The following GRM8 variants were observed in gnomAD, a reference collection of about 807,000 sequenced individuals.
GRM8 encodes the protein metabotropic glutamate receptor 8.
In GRM8, 47 loss-of-function variants were observed where a neutral mutation model predicts 87.2. The observed-to-expected ratio is 0.54, with a 90% CI of 0.43 to 0.69. The LOEUF is 0.69. Among genes scored for constraint, GRM8 ranks in the 30% least tolerant of loss-of-function variants. GRM8 has a pLI of 0.00. For missense variants in GRM8, 1,019 were observed against 1,139.2 expected (o/e 0.89, Z 1.52); for synonymous variants, 396 against 404.5 (o/e 0.98, Z 0.25).
intron 9 of GRM8, among the ~76,000 whole-genome samples, chr7:126,489,354 T>C (rs151041541): frequency 6.6e-5 from 10 of 152,134 alleles, no homozygotes; most frequent in Non-Finnish European, 1.3e-4. Flanking sequence ...AGCATGACAA[T>C]TAAAAGAACT....
At chr7:126,596,164 A>G (rs533499493) in intron 8 of GRM8, among the ~76,000 whole-genome samples, 1 of 152,300 alleles carries the variant, frequency 6.6e-6, no homozygotes, top group Non-Finnish European at 1.5e-5. Flanking sequence ...TCCTTTGGGT[A>G]TATACGCCAG....
chr7:126,832,225 T>C (rs1301063420), intron 6 of GRM8, among the ~76,000 whole-genome samples: 1 of 147,934 alleles, frequency 6.8e-6, no homozygotes, highest in African/African-American at 2.5e-5. Context: ...AGAAGTGCCA[T>C]AGTGGACTAG....
chr7:126,545,404 T>A (rs1170602514), intron 8 of GRM8, among the ~76,000 whole-genome samples: 2 of 152,228 alleles, frequency 1.3e-5, no homozygotes, highest in Non-Finnish European at 2.9e-5. Context: ...GAGTGACCAT[T>A]TTTAATTGAA....
At chr7:126,530,188 G>A (rs1226202609) in intron 9 of GRM8, among the ~76,000 whole-genome samples, 1 of 152,170 alleles carries the variant, frequency 6.6e-6, no homozygotes, top group Non-Finnish European at 1.5e-5. Context: ...ACTAAGTTTA[G>A]TTGTTATTCT....
At chr7:126,721,317 C>G (rs1386154425) in intron 7 of GRM8, among the ~76,000 whole-genome samples, 1 of 152,098 alleles carries the variant, frequency 6.6e-6, no homozygotes, top group Non-Finnish European at 1.5e-5. Flanking sequence ...TGAAGTGCAG[C>G]CATCACTAAA....
At chr7:126,750,354 T>C (rs1010039217) in intron 7 of GRM8, among the ~76,000 whole-genome samples, 2 of 152,066 alleles carry the variant, frequency 1.3e-5, no homozygotes, top group Non-Finnish European at 2.9e-5. Flanking sequence ...GAGAGAACAC[T>C]TGAGGTAATA....
Position 126,944,539 on chromosome 7 carries a change from G to T in GRM8, c.728-39856C>A, listed in dbSNP as rs545000998. ...TACTGTAAATATATAAATTATTAAA[G>T]ATGTTAAACAGTAGTCAAAAAGAGG... is the stretch of plus-strand genomic sequence containing the variant. On this transcript the variant is annotated intron_variant, in intron 3 of 10. Coordinates refer to ENST00000339582, the MANE Select transcript of GRM8 (RefSeq NM_000845.3). Among the ~76,000 whole-genome samples, 4 of 152,314 alleles carry T rather than the reference G, an allele frequency of 2.6e-5. No individual in the cohort carries two copies. The South Asian group carries it at 8.3e-4, about 32-fold the overall frequency.
intron 3 of GRM8, among the ~76,000 whole-genome samples, chr7:126,968,849 G>A (rs1251387716): frequency 2.0e-5 from 3 of 152,160 alleles, no homozygotes; most frequent in Non-Finnish European, 2.9e-5. Context: ...AAGTGTATAA[G>A]GGAATGCATA....
intron 2 of GRM8, among the ~76,000 whole-genome samples, chr7:127,162,324 T>C (rs1482780760): frequency 1.3e-5 from 2 of 152,130 alleles, no homozygotes; most frequent in Admixed American, 6.6e-5. Flanking sequence ...AAGACAGCTT[T>C]CCTCCCTCAG....
At chr7:126,684,737 G>C (rs191589206) in intron 7 of GRM8, among the ~76,000 whole-genome samples, 2 of 152,346 alleles carry the variant, frequency 1.3e-5, no homozygotes, top group East Asian at 3.9e-4. Context: ...CCTGGGTAAA[G>C]TCTAGATTTT....
intron 3 of GRM8, among the ~76,000 whole-genome samples, chr7:127,014,531 T>C (rs1815207611): frequency 3.3e-5 from 5 of 152,112 alleles, no homozygotes. Context: ...GTGCCTCAGT[T>C]TCCTCATCTG....
intron 6 of GRM8, among the ~76,000 whole-genome samples, chr7:126,838,166 T>C (rs929105427): frequency 6.6e-6 from 1 of 152,222 alleles, no homozygotes; most frequent in Non-Finnish European, 1.5e-5. Context: ...ATTTTTAGCT[T>C]ATTCTAATTT....
At chr7:126,620,740 A>G (rs1800071590) in intron 7 of GRM8, among the ~76,000 whole-genome samples, 1 of 152,224 alleles carries the variant, frequency 6.6e-6, no homozygotes, top group African/African-American at 2.4e-5. Flanking sequence ...TAGATGTGCA[A>G]TGAACGCAAA....
chr7:126,943,065 A>G (rs979786175), intron 3 of GRM8, among the ~76,000 whole-genome samples: 2 of 152,226 alleles, frequency 1.3e-5, no homozygotes, highest in African/African-American at 2.4e-5. Flanking sequence ...AAGTGATGCC[A>G]AAGCTGCTGG....
At chr7:126,854,514 C>T (rs186492940) in intron 6 of GRM8, among the ~76,000 whole-genome samples, 123 of 152,250 alleles carry the variant, frequency 8.1e-4, no homozygotes, top group African/African-American at 2.7e-3. Context: ...TGGGGTGGAA[C>T]GCAAAATCTT....
chr7:126,761,383 A>ACAGAGTCAT (rs980956354), intron 7 of GRM8, among the ~76,000 whole-genome samples: 4 of 152,140 alleles, frequency 2.6e-5, no homozygotes, highest in African/African-American at 9.7e-5. Context: ...AGTACCTAGA[A>ACAGAGTCAT]CAGAGTCATC....
At chr7:126,464,765 A>G (rs566166691) in intron 9 of GRM8, among the ~76,000 whole-genome samples, 1 of 151,960 alleles carries the variant, frequency 6.6e-6, no homozygotes, top group South Asian at 2.1e-4. Flanking sequence ...ATAAGCAAAG[A>G]GAAAACTATT....
chr7:126,515,940 C>T (rs1021914240), intron 9 of GRM8, among the ~76,000 whole-genome samples: 1 of 152,024 alleles, frequency 6.6e-6, no homozygotes, highest in African/African-American at 2.4e-5. Flanking sequence ...CTGCTTAACA[C>T]AACTATTTAC....
At chr7:127,028,809 G>GT (rs550685881) in intron 3 of GRM8, among the ~76,000 whole-genome samples, 5 of 151,488 alleles carry the variant, frequency 3.3e-5, no homozygotes, top group South Asian at 2.1e-4. Context: ...TTTTTGAAGG[G>GT]TTTTTTTTGT....
Sources: gnomAD v4.1 joint callset for allele counts (sites outside exome capture counted in the v4.1 genomes callset) on GRCh38, gnomAD v4.1.1 for gene constraint, MANE v1.5 for transcripts, NCBI Gene and HGNC (gene_info 2026-07-23, HGNC 2026-07-21) for gene names.